The following NAMPT variants were observed in gnomAD, a reference collection of about 807,000 sequenced individuals.
NAMPT encodes NAmPRTase.
In NAMPT, 7 loss-of-function variants were observed where a neutral mutation model predicts 58.7. The ratio of observed to expected loss-of-function variants is 0.12; its 90% CI spans 0.07 to 0.22. The LOEUF (loss-of-function observed/expected upper bound fraction) is 0.22, where lower values mean the gene tolerates loss of function less well. NAMPT is among the 10% of genes least tolerant of loss of function. The pLI is 1.00. For missense variants in NAMPT, 271 were observed against 567.9 expected, an observed-to-expected ratio of 0.48 and a Z score of 5.31; for synonymous variants, 145 against 198.1, an observed-to-expected ratio of 0.73 and a Z score of 2.25.
Position 106,261,709 on chromosome 7 carries a change from T to G in NAMPT, c.970-2A>C. On this transcript the variant is annotated splice_acceptor_variant, in intron 7 of 10. Coordinates refer to ENST00000222553, the MANE Select transcript of NAMPT (RefSeq NM_005746.3). LOFTEE classifies it high-confidence loss of function. ...CTTCTTACCTAAAATCTCCAAAACC[T>G]ATATGGAAAAATACACATGCAACAC... The G allele has an allele frequency of 6.2e-7, 1 of 1,605,468 alleles. No homozygotes were observed.
intron 1 of NAMPT, among the ~76,000 whole-genome samples, chr7:106,284,146 G>A (rs192212847): frequency 6.6e-6 from 1 of 152,282 alleles, no homozygotes; most frequent in African/African-American, 2.4e-5. Context: ...AGAGCAGAGC[G>A]GCCTCTACAC....
intron 1 of NAMPT, among the ~76,000 whole-genome samples, chr7:106,279,040 C>G (rs1381911659): frequency 1.3e-5 from 2 of 152,116 alleles, no homozygotes; most frequent in Non-Finnish European, 2.9e-5. Context: ...CTATTTAACT[C>G]TGTATCTTGG....
At chr7:106,263,760 T>A (rs1792358652) in intron 6 of NAMPT, 143 bp from the exon 7 acceptor site, 2 of 689,900 alleles carry the variant, frequency 2.9e-6, no homozygotes, top group Admixed American at 2.7e-5. Flanking sequence ...TGAATATACA[T>A]CGTAAGGCAA....
At chr7:106,260,546 G>C (rs1313353042) in intron 8 of NAMPT, among the ~76,000 whole-genome samples, 1 of 152,196 alleles carries the variant, frequency 6.6e-6, no homozygotes, top group South Asian at 2.1e-4. Context: ...GTAGCACTTT[G>C]ATTTTTCTTC....
intron 3 of NAMPT, among the ~76,000 whole-genome samples, chr7:106,273,556 G>A (rs1482787898): frequency 2.0e-5 from 3 of 152,098 alleles, no homozygotes; most frequent in Non-Finnish European, 4.4e-5. Context: ...GCCATCTCTC[G>A]GTCTCAGATT....
intron 4 of NAMPT, 104 bp downstream of exon 4, chr7:106,272,426 A>G: frequency 1.1e-5 from 11 of 1,028,176 alleles, no homozygotes; most frequent in African/African-American, 1.6e-5. Context: ...TAAGTAAATT[A>G]TAGGAGATTA....
intron 9 of NAMPT, 33 bp from the exon 10 acceptor site, chr7:106,253,184 G>A (rs1230926956): frequency 1.9e-6 from 3 of 1,604,634 alleles, no homozygotes. Context: ...TAGACAAGTA[G>A]AAGACTAATC....
At chr7:106,262,564 A>AAG (rs1792325133) in intron 7 of NAMPT, among the ~76,000 whole-genome samples, 1 of 152,100 alleles carries the variant, frequency 6.6e-6, no homozygotes, top group Non-Finnish European at 1.5e-5. Flanking sequence ...AGAATAAGAA[A>AAG]AGACCTCCTT....
At chr7:106,264,625 T>C (rs1266282511) in intron 6 of NAMPT, among the ~76,000 whole-genome samples, 2 of 152,054 alleles carry the variant, frequency 1.3e-5, no homozygotes, top group Admixed American at 6.6e-5. Flanking sequence ...CCTGTGTAAA[T>C]ATTTGTTAAT....
At position 106,277,013 on chromosome 7, in the gene NAMPT, A is replaced by G; in HGVS notation, c.214+10T>C. ...AAGCAGTGTTTAAAATATACTAGGA[A>G]AAGTAATACCTTTTAAGTACTTATT... On this transcript the variant is annotated intron_variant, in intron 2 of 10. Coordinates refer to ENST00000222553, the MANE Select transcript of NAMPT (RefSeq NM_005746.3). 1 of 1,563,494 alleles carries G rather than the reference A, an allele frequency of 6.4e-7. No homozygotes were observed. Among genetic ancestry groups the G allele is most frequent in the Non-Finnish European group, 8.8e-7 (1 of 1,134,356 alleles).
intron 4 of NAMPT, 122 bp from the exon 5 acceptor site, chr7:106,269,434 A>C: frequency 1.2e-6 from 1 of 857,328 alleles, no homozygotes; most frequent in Non-Finnish European, 1.8e-6. Flanking sequence ...TTAACTAGAC[A>C]CAGAACTGCG....
intron 10 of NAMPT, among the ~76,000 whole-genome samples, chr7:106,251,549 AGT>A (rs1479723192): frequency 1.3e-5 from 2 of 152,046 alleles, no homozygotes. Flanking sequence ...AATCATTGTG[AGT>A]GTGCAGCAAA....
At chr7:106,265,498 A>G (rs937512776) in intron 6 of NAMPT, among the ~76,000 whole-genome samples, 2 of 150,694 alleles carry the variant, frequency 1.3e-5, no homozygotes, top group South Asian at 4.2e-4. Flanking sequence ...TCAGATGGCA[A>G]TATTTCTCAT....
intron 8 of NAMPT, among the ~76,000 whole-genome samples, chr7:106,259,356 T>C (rs985156577): frequency 6.6e-6 from 1 of 152,218 alleles, no homozygotes; most frequent in Admixed American, 6.5e-5. Context: ...CATTTTAACG[T>C]CCTCCCATGA....
At chr7:106,274,889 G>A (rs1248675689) in intron 3 of NAMPT, 57 bp downstream of exon 3, 17 of 1,099,436 alleles carry the variant, frequency 1.5e-5, no homozygotes, top group Non-Finnish European at 2.3e-5. Flanking sequence ...TCCTTTGCAA[G>A]AAGTTTTGAA....
intron 1 of NAMPT, among the ~76,000 whole-genome samples, chr7:106,278,106 G>C (rs1792686937): frequency 6.6e-6 from 1 of 152,166 alleles, no homozygotes; most frequent in Middle Eastern, 3.2e-3. Context: ...TTTCATGAGT[G>C]ATCACTGTGA....
In NAMPT at chr7:106,253,034, G is replaced by A; in HGVS notation, c.1348C>T (p.Leu450Phe). ...ATACATACCTGACCATATTCCTCAA[G>A]GTCTCCTTTTCCTTCCTCCAGTGTA... ...FVTLEEGKGD[L>F]EEYGQDLLHT... The change falls in exon 10 of 11, where the codon CTT (leucine) becomes TTT (phenylalanine). Residue 450 changes from leucine (L) to phenylalanine (F), a missense_variant. Physicochemically the swap from Leu to Phe is conservative, Grantham distance 22. Around this residue, in one of 4 missense-constraint regions of NAMPT, gnomAD observed 143 missense variants for 331.1 expected, o/e 0.43. Transcript: ENST00000222553. 3 of 1,613,148 alleles carry A rather than the reference G, an allele frequency of 1.9e-6. No homozygotes were observed. The highest frequency in any genetic ancestry group is 2.2e-5 in the South Asian group (2 of 91,066).
chr7:106,285,077 C>T, upstream of NAMPT: 1 of 1,348,700 alleles, frequency 7.4e-7, no homozygotes, highest in South Asian at 1.7e-5. Context: ...GCGCGGGTGA[C>T]GGCTGCGGCG....
At chr7:106,276,821 A>T in intron 2 of NAMPT, 1 of 469,226 alleles carries the variant, frequency 2.1e-6, no homozygotes, top group Non-Finnish European at 3.9e-6. Context: ...CAGCCTGGCC[A>T]ACAAGAGCGA....
Sources: gnomAD v4.1 joint callset for allele counts (sites outside exome capture counted in the v4.1 genomes callset) on GRCh38, gnomAD v4.1.1 for gene constraint, gnomAD v4.1.1 regional missense constraint, MANE v1.5 for transcripts, NCBI Gene and HGNC (gene_info 2026-07-23, HGNC 2026-07-21) for gene names.